ZNF516: variants seen among roughly 807,000 people sequenced by gnomAD.
The protein encoded by ZNF516 is zinc finger protein 516.
Under a neutral mutation model 79.7 loss-of-function variants are expected in ZNF516, and 19 were observed. The ratio of observed to expected loss-of-function variants is 0.24; its 90% CI spans 0.17 to 0.35. The LOEUF (loss-of-function observed/expected upper bound fraction) is 0.35. Ranked by LOEUF, ZNF516 falls within the 10% of genes least tolerant of loss-of-function variation. The pLI, the probability that ZNF516 is intolerant of heterozygous loss-of-function variation, is 1.00. For missense variants in ZNF516, 1,678 were observed against 1,679.5 expected (o/e 1.00, Z 0.02); for synonymous variants, 877 against 739.5 (o/e 1.19, Z -3.02).
At chr18:76,369,004 G>C (rs990123862) in intron 6 of ZNF516, among the ~76,000 whole-genome samples, 1 of 152,156 alleles carries the variant, frequency 6.6e-6, no homozygotes, top group East Asian at 1.9e-4. Context: ...CTACCCAAAA[G>C]CCAGGTCTTT....
intron 3 of ZNF516, among the ~76,000 whole-genome samples, chr18:76,402,550 G>A (rs781430333): frequency 2.6e-5 from 4 of 152,180 alleles, no homozygotes; most frequent in East Asian, 1.9e-4. Flanking sequence ...AGGCCCCTGC[G>A]GGGGACAGAG....
chr18:76,491,376 G>A (rs866170453), intron 1 of ZNF516, among the ~76,000 whole-genome samples: 4 of 122,892 alleles, frequency 3.3e-5, no homozygotes, highest in East Asian at 2.6e-4. Context: ...CTCCTCCTCC[G>A]GGCCTCGCTC....
At chr18:76,428,780 AGAG>A (rs1162553932) in intron 3 of ZNF516, among the ~76,000 whole-genome samples, 1 of 152,268 alleles carries the variant, frequency 6.6e-6, no homozygotes, top group Non-Finnish European at 1.5e-5. Context: ...GACAGTCAAC[AGAG>A]GAGGATCGCT....
At chr18:76,441,102 A>C (rs1165662747) in intron 3 of ZNF516, 143 bp downstream of exon 3, 3 of 1,247,790 alleles carry the variant, frequency 2.4e-6, no homozygotes, top group Non-Finnish European at 3.3e-6. Flanking sequence ...TCCCAGGGTT[A>C]CCTGAGCATA....
chr18:76,402,346 G>A (rs558821737), intron 3 of ZNF516, among the ~76,000 whole-genome samples: 13 of 152,236 alleles, frequency 8.5e-5, no homozygotes, highest in African/African-American at 2.9e-4. Context: ...CCACCCAGAG[G>A]ACAGGAAGGG....
intron 1 of ZNF516, chr18:76,492,704 C>CCCCAGTTGCTGAGAAACAATCACAGCCCT: frequency 1.0e-6 from 1 of 984,292 alleles, no homozygotes; most frequent in Non-Finnish European, 1.2e-6. Context: ...CGTTTCGAGT[C>CCCCAGTTGCTGAGAAACAATCACAGCCCT]CCCAGTTGCT....
At chr18:76,490,080 T>C (rs1915074131) in intron 1 of ZNF516, 1 of 747,992 alleles carries the variant, frequency 1.3e-6, no homozygotes, top group Non-Finnish European at 1.6e-6. Context: ...ACATTAGACA[T>C]GCTTGTGCCT....
intron 1 of ZNF516, among the ~76,000 whole-genome samples, chr18:76,482,766 T>G (rs1299410187): frequency 6.6e-6 from 1 of 152,166 alleles, no homozygotes; most frequent in Non-Finnish European, 1.5e-5. Flanking sequence ...ACAAGCAAAC[T>G]ATTATTACCA....
intron 2 of ZNF516, among the ~76,000 whole-genome samples, chr18:76,452,492 C>G (rs1002871114): frequency 6.6e-6 from 1 of 152,184 alleles, no homozygotes. Context: ...GGCTCTGCAC[C>G]TCAGACCACG....
chr18:76,364,668 G>C (rs561420775), intron 6 of ZNF516, among the ~76,000 whole-genome samples: 2 of 150,868 alleles, frequency 1.3e-5, no homozygotes, highest in East Asian at 3.9e-4. Context: ...GGTGTGGATC[G>C]ATGCCCCGCA....
intron 5 of ZNF516, among the ~76,000 whole-genome samples, chr18:76,371,071 G>C (rs540018884): frequency 6.6e-6 from 1 of 152,206 alleles, no homozygotes; most frequent in East Asian, 1.9e-4. Context: ...AAAGGGGCCC[G>C]GGTGTATCCC....
At chr18:76,450,256 A>G (rs1171918937) in intron 2 of ZNF516, among the ~76,000 whole-genome samples, 1 of 152,080 alleles carries the variant, frequency 6.6e-6, no homozygotes, top group Non-Finnish European at 1.5e-5. Flanking sequence ...AAGTTAAAAA[A>G]ATAAATCCTA....
intron 1 of ZNF516, chr18:76,490,994 C>T (rs1915150248): frequency 1.0e-6 from 1 of 985,258 alleles, no homozygotes; most frequent in African/African-American, 1.7e-5. Context: ...CCTCGCGAGG[C>T]GCCCCAAGCC....
chr18:76,380,015 T>C lies in ZNF516; in HGVS notation c.2099A>G (p.Glu700Gly). The change falls in exon 4 of 7, where the codon GAG becomes GGG. Residue 700 changes from glutamate (E) to glycine (G), a missense_variant. Glu to Gly is a moderately conservative substitution (Grantham distance 98). Coordinates refer to ENST00000443185, the MANE Select transcript of ZNF516 (RefSeq NM_014643.4). ...GVEFPSSTGAEGQTGHPAEKL... is the reference protein window; with the variant it reads ...GVEFPSSTGAGGQTGHPAEKL... ...TTCTGCAGGGTGACCCGTCTGGCCC[T>C]CCGCTCCCGTACTGGAAGGGAACTC... 6.2e-7 allele frequency: 1 copy of C among 1,613,946 alleles called. No homozygotes were observed.
chr18:76,395,972 T>C (rs575654385), intron 3 of ZNF516, among the ~76,000 whole-genome samples: 1 of 152,292 alleles, frequency 6.6e-6, no homozygotes, highest in Non-Finnish European at 1.5e-5. Flanking sequence ...CTTCCCAGCA[T>C]CCACGCTCCT....
intron 3 of ZNF516, among the ~76,000 whole-genome samples, chr18:76,408,003 G>A (rs2075324718): frequency 6.6e-6 from 1 of 152,222 alleles, no homozygotes; most frequent in Non-Finnish European, 1.5e-5. Context: ...AGCCCGCGCT[G>A]CTTCTGTCCT....
At chr18:76,441,187 C>T in intron 3 of ZNF516, 58 bp downstream of exon 3, 1 of 1,551,426 alleles carries the variant, frequency 6.4e-7, no homozygotes, top group Non-Finnish European at 8.7e-7. Flanking sequence ...TACCTGGAAG[C>T]AGGAACCCCC....
intron 3 of ZNF516, among the ~76,000 whole-genome samples, chr18:76,401,135 T>C (rs2075213877): frequency 6.6e-6 from 1 of 152,216 alleles, no homozygotes; most frequent in African/African-American, 2.4e-5. Context: ...GAGTTATTTA[T>C]ATCCTACTGC....
rs2075763775 is a variant in ZNF516, at chr18:76,437,801, A to G, written c.1810+3444T>C. ...AAAAAAGCCTGTATATGTTCAGTAC[A>G]GATATAAACATCTATTTTTCTTTAA... On this transcript the variant is annotated intron_variant, in intron 3 of 6. Transcript: ENST00000443185. Among the ~76,000 whole-genome samples, 3 of 152,234 alleles carry G rather than the reference A, an allele frequency of 2.0e-5. No homozygotes were observed. In the South Asian group the frequency reaches 6.2e-4, roughly 32 times the overall value.
Sources: gnomAD v4.1 joint callset for allele counts (sites outside exome capture counted in the v4.1 genomes callset) on GRCh38, gnomAD v4.1.1 for gene constraint, MANE v1.5 for transcripts, NCBI Gene and HGNC (gene_info 2026-07-23, HGNC 2026-07-21) for gene names.